Variants in EVC observed in about 807,000 individuals in gnomAD.
EVC encodes the protein EvC ciliary complex subunit 1, also known as evC complex member EVC.
In EVC, 116 loss-of-function variants were observed where a neutral mutation model predicts 118.9. That is an observed-to-expected ratio of 0.98 (90% CI 0.84 to 1.14). The LOEUF (loss-of-function observed/expected upper bound fraction) is 1.14, where lower values mean the gene tolerates loss of function less well. EVC is among the 50% of genes most tolerant of loss of function. The pLI is 0.00. For missense variants in EVC, 1,401 were observed against 1,246.4 expected (o/e 1.12, Z -1.87); for synonymous variants, 619 against 534.7 (o/e 1.16, Z -2.18).
At chr4:5,714,090 C>T (rs1205513678) in intron 1 of EVC, among the ~76,000 whole-genome samples, 2 of 152,162 alleles carry the variant, frequency 1.3e-5, no homozygotes, top group African/African-American at 4.8e-5. Flanking sequence ...CTGTTCTCTC[C>T]GCCTGCGCGG....
intron 6 of EVC, among the ~76,000 whole-genome samples, chr4:5,744,452 T>TTTGTGAGTCTATAC (rs564505819): frequency 1.1e-3 from 170 of 152,310 alleles, no homozygotes; most frequent in African/African-American, 3.9e-3. Context: ...TATCTTGGGG[T>TTTGTGAGTCTATAC]TTGTGAGTCT....
At chr4:5,808,377 C>G in intron 18 of EVC, 50 bp downstream of exon 18, 1 of 1,613,284 alleles carries the variant, frequency 6.2e-7, no homozygotes, top group Non-Finnish European at 8.5e-7. Flanking sequence ...TAAAGAGGAG[C>G]AGAAATAGCT....
At chr4:5,773,685 T>C (rs539872191) in intron 11 of EVC, among the ~76,000 whole-genome samples, 9 of 152,024 alleles carry the variant, frequency 5.9e-5, no homozygotes, top group Non-Finnish European at 1.0e-4. Flanking sequence ...TATCCTCCCT[T>C]CCTTTTTTAA....
chr4:5,756,406 G>A lies in EVC; in HGVS notation c.1563+44G>A. The stretch of plus-strand genomic sequence containing the variant: ...GACCAGCAGAGAAGCCCCAGGGTCT[G>A]TGTGTGTGCGAGAACCTCACATCCT... On this transcript the variant is annotated intron_variant, in intron 11 of 20. Coordinates refer to ENST00000264956, the MANE Select transcript of EVC (RefSeq NM_153717.3). The surrounding 1 kb of genome is among the most constrained non-coding windows in gnomAD (Gnocchi z 4.2). 1.3e-6 allele frequency: 2 copies of A among 1,515,116 alleles called. No individual in the cohort carries two copies. The highest frequency in any genetic ancestry group is 1.8e-6 in the Non-Finnish European group (2 of 1,105,876). 93.9% of individuals were successfully genotyped at this position (1,515,116 alleles called of 1,614,324 possible). A position where few individuals can be genotyped will look rare whatever the true frequency, so the allele number is the denominator to read the frequency against.
At chr4:5,825,247 T>C in the EVC span, 1 of 985,364 alleles carries the variant, frequency 1.0e-6, no homozygotes, top group Non-Finnish European at 1.2e-6. This position sits in a 1 kb window ranked among gnomAD's most constrained non-coding sequence, Gnocchi z 4.4. Context: ...ACAATTTTGG[T>C]ACCTCTCTTT....
chr4:5,781,410 CG>C (rs1177032845), intron 11 of EVC, among the ~76,000 whole-genome samples: 5 of 152,076 alleles, frequency 3.3e-5, no homozygotes, highest in African/African-American at 1.2e-4. Context: ...GGTGGGAGCT[CG>C]GGGTCAGAAA....
In EVC at chr4:5,746,300, C is replaced by A. The variant is rs897443865; in HGVS notation, c.939+959C>A. ...GGTGGTGAAGAGCTACTGGGCTAAT[C>A]CAGCAGGAACTTTATTAAGGCAACT... On this transcript the variant is annotated intron_variant, in intron 7 of 20. Coordinates refer to ENST00000264956, the MANE Select transcript of EVC (RefSeq NM_153717.3). This position sits in a 1 kb window ranked among gnomAD's most constrained non-coding sequence, Gnocchi z 5.8. Among the ~76,000 whole-genome samples, 50 of 152,152 alleles carry A rather than the reference C, an allele frequency of 3.3e-4. No individual in the cohort carries two copies. The highest frequency in any genetic ancestry group is 1.1e-3 in the African/African-American group (45 of 41,452).
chr4:5,760,097 CT>C (rs1345678166), intron 11 of EVC, among the ~76,000 whole-genome samples: 1 of 152,216 alleles, frequency 6.6e-6, no homozygotes, highest in Admixed American at 6.5e-5. Context: ...CTGCATTTAT[CT>C]CAATGAGCAG....
chr4:5,747,538 C>T (rs965450988), intron 7 of EVC, among the ~76,000 whole-genome samples: 9 of 152,196 alleles, frequency 5.9e-5, no homozygotes, highest in African/African-American at 1.7e-4. Context: ...AAAGTTGCTC[C>T]GATTCCTAGT....
intron 12 of EVC, 177 bp from the exon 13 acceptor site, chr4:5,793,431 A>G: frequency 1.5e-6 from 1 of 663,368 alleles, no homozygotes; most frequent in Non-Finnish European, 2.7e-6. Context: ...AAATGCAAAT[A>G]GGAAAGATTT....
chr4:5,734,744 C>T lies in EVC; in HGVS notation c.702+1309C>T, dbSNP rs1337032686. 3.9e-5 allele frequency among the ~76,000 whole-genome samples: 6 copies of T among 152,202 alleles called. No individual in the cohort carries two copies. The South Asian group carries it at 8.3e-4, about 21-fold the overall frequency. The stretch of plus-strand genomic sequence containing the variant: ...GAGCAGGACTGACTGGCCTCATAAA[C>T]GGGTGCCAATGTTTGAAACCGTAAA... On this transcript the variant is annotated intron_variant, in intron 5 of 20. Transcript: ENST00000264956.
rs80298898 is a variant in EVC at position 5,725,510 on chromosome 4, C to T, written c.301-3797C>T. 3.2e-3 allele frequency among the ~76,000 whole-genome samples: 485 copies of T among 152,270 alleles called. 3 individuals carry two copies. Among genetic ancestry groups the T allele is most frequent in the African/African-American group, 9.6e-3 (398 of 41,570 alleles). ...CTTTTTTTCATATGTTTGGTGGCCA[C>T]GTGAATGTTTTCTTTTGAGAAATGT... On this transcript the variant is annotated intron_variant, in intron 2 of 20. Coordinates refer to ENST00000264956, the MANE Select transcript of EVC (RefSeq NM_153717.3).
At chr4:5,750,322 C>T (rs2152063519) in intron 8 of EVC, among the ~76,000 whole-genome samples, 1 of 152,208 alleles carries the variant, frequency 6.6e-6, no homozygotes, top group East Asian at 1.9e-4. Context: ...GATATTGATG[C>T]AGAAAAAAGA....
chr4:5,782,536 G>GAAAAAAA (rs71171483), intron 11 of EVC, among the ~76,000 whole-genome samples: 1 of 45,744 alleles, frequency 2.2e-5, no homozygotes, highest in African/African-American at 6.0e-5. Context: ...TGTTTTAAAT[G>GAAAAAAA]AAAAAAAAAA....
At chr4:5,769,205 C>T (rs1231240002) in intron 11 of EVC, among the ~76,000 whole-genome samples, 2 of 152,118 alleles carry the variant, frequency 1.3e-5, no homozygotes, top group Non-Finnish European at 2.9e-5. Context: ...GGAGCAAAGT[C>T]ACATCTTAAA....
At chr4:5,808,432 C>T (rs1001584925) in intron 18 of EVC, 105 bp downstream of exon 18, 1 of 1,552,246 alleles carries the variant, frequency 6.4e-7, no homozygotes, top group South Asian at 1.2e-5. Flanking sequence ...ACTGCACTTC[C>T]CTGCCTGTGG....
At chr4:5,822,507 G>A in the EVC span, among the ~76,000 whole-genome samples, 4 of 151,652 alleles carry the variant, frequency 2.6e-5, no homozygotes, top group African/African-American at 7.3e-5. Context: ...GGGGGGGGTG[G>A]TGTGCAGAGG....
downstream of EVC, among the ~76,000 whole-genome samples, chr4:5,814,537 C>A (rs1717382869): frequency 1.3e-5 from 2 of 152,172 alleles, no homozygotes; most frequent in Non-Finnish European, 2.9e-5. Context: ...ATCTGCCTGG[C>A]CTTATGGGCG....
chr4:5,818,259 G>A (rs1717996049), downstream of EVC, among the ~76,000 whole-genome samples: 5 of 152,144 alleles, frequency 3.3e-5, 1 homozygote, highest in South Asian at 1.0e-3. Flanking sequence ...GGAACTGTGA[G>A]TCCATTAAAC....
Sources: gnomAD v4.1 joint callset for allele counts (sites outside exome capture counted in the v4.1 genomes callset) on GRCh38, gnomAD v4.1.1 for gene constraint, Gnocchi (gnomAD v3.1) non-coding constraint, MANE v1.5 for transcripts, NCBI Gene and HGNC (gene_info 2026-07-23, HGNC 2026-07-21) for gene names.